FAM174A: variants seen among roughly 807,000 people sequenced by gnomAD.
The protein encoded by FAM174A is family with sequence similarity 174 member A, also known as membrane protein FAM174A.
FAM174A carries 14 observed loss-of-function variants against 14.3 expected under a neutral mutation model. That is an observed-to-expected ratio of 0.98 (90% confidence interval 0.65 to 1.53). The LOEUF (loss-of-function observed/expected upper bound fraction) is 1.53. Ranked by LOEUF, FAM174A falls within the 40% of genes most tolerant of loss-of-function variation. The probability of loss-of-function intolerance (pLI) is 0.00; values close to 1 mark genes in which losing one functional copy is unlikely to be tolerated. For synonymous variants in FAM174A, 108 were observed against 111.4 expected, an observed-to-expected ratio of 0.97 and a Z score of 0.19; for missense variants, 241 against 249.6, an observed-to-expected ratio of 0.97 and a Z score of 0.23.
At chr5:100,543,449 A>G (rs920594307) in intron 1 of FAM174A, among the ~76,000 whole-genome samples, 14 of 152,196 alleles carry the variant, frequency 9.2e-5, no homozygotes, top group Non-Finnish European at 2.1e-4. Context: ...AAATAATCAC[A>G]TGTTGTTAGT....
intron 2 of FAM174A, among the ~76,000 whole-genome samples, chr5:100,566,140 T>TGA (rs1561320213): frequency 2.5e-4 from 2 of 8,076 alleles, no homozygotes; most frequent in South Asian, 5.7e-3. Flanking sequence ...TTGAAAAGTA[T>TGA]GATATATATA....
In FAM174A at chr5:100,586,306, C is replaced by T. The variant is rs1747125165; in HGVS notation, c.*122C>T. 3.3e-6 allele frequency: 2 copies of T among 606,804 alleles called. No individual in the cohort carries two copies. The highest frequency in any genetic ancestry group is 5.8e-5 in the East Asian group (2 of 34,446). The allele number at this position is 606,804 out of a possible 1,614,324, so 37.6% of individuals were successfully genotyped here. A position where few individuals can be genotyped will look rare whatever the true frequency, so the allele number is the denominator to read the frequency against. Reference sequence around the variant, plus strand: ...GGTATTTAAGTTACATATATTTTAACAACCTTTAATTTGCTGTTGCAATAA... The same window carrying T: ...GGTATTTAAGTTACATATATTTTAATAACCTTTAATTTGCTGTTGCAATAA... On this transcript the variant is annotated 3_prime_UTR_variant, in exon 3 of 3. Transcript: ENST00000312637.
chr5:100,555,131 A>G (rs1345122732), intron 1 of FAM174A, among the ~76,000 whole-genome samples: 1 of 138,132 alleles, frequency 7.2e-6, no homozygotes, highest in South Asian at 2.3e-4. Context: ...TCCTGTGTCC[A>G]TGTGTTCTCA....
intron 1 of FAM174A, among the ~76,000 whole-genome samples, chr5:100,558,328 T>C (rs1468676089): frequency 6.6e-6 from 1 of 152,194 alleles, no homozygotes; most frequent in Non-Finnish European, 1.5e-5. Context: ...TCTGTTCTTT[T>C]ACATTTGCTG....
chr5:100,535,813 G>A lies in FAM174A; in HGVS notation c.283G>A (p.Asp95Asn), dbSNP rs1325510789. ...SNPVAGLETD[D>N]HGGKAGEGSV... ...CCCTGTGGCCGGGCTTGAGACGGACGATCACGGAGGGAAGGCCGGGGAAGG... is the reference window on the plus strand; with the variant it reads ...CCCTGTGGCCGGGCTTGAGACGGACAATCACGGAGGGAAGGCCGGGGAAGG... Residue 95 changes from aspartate (D) to asparagine (N), a missense_variant, in exon 1 of 3, where the codon GAT (aspartate) becomes AAT (asparagine). Transcript: ENST00000312637. 1.2e-6 allele frequency: 2 copies of A among 1,610,204 alleles called. No homozygotes were observed. The highest frequency in any genetic ancestry group is 1.7e-6 in the Non-Finnish European group (2 of 1,179,710).
intron 1 of FAM174A, among the ~76,000 whole-genome samples, chr5:100,553,592 T>C (rs921440440): frequency 1.3e-5 from 2 of 152,144 alleles, no homozygotes; most frequent in African/African-American, 2.4e-5. Flanking sequence ...TCAGTACATA[T>C]ACTAAAACAG....
chr5:100,563,810 T>C (rs1746581728), intron 2 of FAM174A, among the ~76,000 whole-genome samples: 3 of 151,806 alleles, frequency 2.0e-5, no homozygotes, highest in Admixed American at 1.3e-4. Context: ...CTCCATGGAA[T>C]AGAAATAGAA....
At chr5:100,570,931 A>T (rs928610802) in intron 2 of FAM174A, among the ~76,000 whole-genome samples, 1 of 151,910 alleles carries the variant, frequency 6.6e-6, no homozygotes, top group African/African-American at 2.4e-5. Context: ...CTTTTTCTGC[A>T]TGTACTGAAA....
chr5:100,535,623 A>G lies in FAM174A; in HGVS notation c.93A>G (p.Ala31=). 20 of 1,613,238 alleles carry G rather than the reference A, an allele frequency of 1.2e-5. No individual in the cohort carries two copies. Among genetic ancestry groups the G allele is most frequent in the Non-Finnish European group, 1.7e-5 (20 of 1,179,940 alleles). The change falls in exon 1 of 3, where the codon GCA becomes GCG. Residue 31 remains alanine (A), a synonymous_variant. Coordinates refer to ENST00000312637, the MANE Select transcript of FAM174A (RefSeq NM_198507.3). ...LLLPELSGPL[A]VLLQAAEAAP... ...TGCCTGAACTAAGCGGGCCCCTGGCAGTCCTGCTGCAGGCAGCCGAGGCCG... is the reference window on the plus strand; with the variant it reads ...TGCCTGAACTAAGCGGGCCCCTGGCGGTCCTGCTGCAGGCAGCCGAGGCCG...
intron 2 of FAM174A, among the ~76,000 whole-genome samples, chr5:100,579,093 A>G (rs1225070699): frequency 6.6e-6 from 1 of 152,256 alleles, no homozygotes; most frequent in Non-Finnish European, 1.5e-5. Context: ...AAATAGATTT[A>G]TGTGTACTGG....
chr5:100,568,218 T>G (rs1746704475), intron 2 of FAM174A, among the ~76,000 whole-genome samples: 1 of 151,912 alleles, frequency 6.6e-6, no homozygotes, highest in Admixed American at 6.6e-5. Flanking sequence ...TTGTCCCAGA[T>G]GTGGTCAGTG....
intron 1 of FAM174A, among the ~76,000 whole-genome samples, chr5:100,548,612 G>T (rs560024623): frequency 6.6e-6 from 1 of 152,002 alleles, no homozygotes; most frequent in African/African-American, 2.4e-5. Context: ...CAGCTTACTC[G>T]TGTATGAATC....
At chr5:100,570,115 T>TG (rs1746747892) in intron 2 of FAM174A, among the ~76,000 whole-genome samples, 1 of 151,914 alleles carries the variant, frequency 6.6e-6, no homozygotes, top group Non-Finnish European at 1.5e-5. Flanking sequence ...TCTGTGCTAT[T>TG]TTTTTCAGAG....
At chr5:100,537,553 A>C (rs1056118497) in intron 1 of FAM174A, among the ~76,000 whole-genome samples, 1 of 152,192 alleles carries the variant, frequency 6.6e-6, no homozygotes, top group Non-Finnish European at 1.5e-5. Flanking sequence ...AAAGAAATCC[A>C]AAACAGCAGG....
chr5:100,573,781 CA>C (rs1746843828), intron 2 of FAM174A, among the ~76,000 whole-genome samples: 1 of 150,700 alleles, frequency 6.6e-6, no homozygotes. Flanking sequence ...AATCCTAAGC[CA>C]AAAGAACAAA....
intron 2 of FAM174A, among the ~76,000 whole-genome samples, chr5:100,582,667 T>C (rs567821792): frequency 3.0e-4 from 45 of 152,244 alleles, no homozygotes; most frequent in Non-Finnish European, 4.7e-4. Context: ...AGAGAGTAAA[T>C]GGGCAAACTT....
At chr5:100,556,015 T>C (rs1366111397) in intron 1 of FAM174A, among the ~76,000 whole-genome samples, 1 of 152,188 alleles carries the variant, frequency 6.6e-6, no homozygotes, top group Non-Finnish European at 1.5e-5. Context: ...GAAGTCCTTG[T>C]CGGTGCCTAT....
Position 100,535,908 on chromosome 5 carries a change from C to A in FAM174A, c.378C>A (p.Thr126=), listed in dbSNP as rs1348608029. Residue 126 remains threonine, a synonymous_variant, in exon 1 of 3, where the codon ACC becomes ACA. Transcript: ENST00000312637. ...GDKPMTQRAL[T]VLMVVSGAVL... ...AGCCCATGACCCAGCGGGCCCTGAC[C>A]GTGTTGATGGTGGTGAGCGGCGCGG... The A allele has an allele frequency of 1.9e-6, 3 of 1,611,756 alleles. No homozygotes were observed. The Middle Eastern group carries it at 5.0e-4, about 266-fold the overall frequency.
intron 1 of FAM174A, among the ~76,000 whole-genome samples, chr5:100,554,745 G>C (rs1056829725): frequency 6.6e-6 from 1 of 152,084 alleles, no homozygotes; most frequent in Non-Finnish European, 1.5e-5. Flanking sequence ...TGATGTTTTT[G>C]TAAGGCCTAA....
Sources: gnomAD v4.1 joint callset for allele counts (sites outside exome capture counted in the v4.1 genomes callset) on GRCh38, gnomAD v4.1.1 for gene constraint, MANE v1.5 for transcripts, NCBI Gene and HGNC (gene_info 2026-07-23, HGNC 2026-07-21) for gene names.